Variants in ACYP2 observed in about 807,000 individuals in gnomAD.
The protein encoded by ACYP2 is acylphosphatase 2, also known as acylphosphatase-2.
Under a neutral mutation model 11.2 loss-of-function variants are expected in ACYP2, and 12 were observed. That is an observed-to-expected ratio of 1.08 (90% confidence interval 0.69 to 1.74). The LOEUF (loss-of-function observed/expected upper bound fraction) is 1.74, where lower values mean the gene tolerates loss of function less well. ACYP2 is among the 40% of genes most tolerant of loss of function. The probability of loss-of-function intolerance (pLI) is 0.00; values close to 1 mark genes in which losing one functional copy is unlikely to be tolerated. For synonymous variants in ACYP2, 43 were observed against 32.2 expected (o/e 1.33, Z -1.13); for missense variants, 134 against 101.9 (o/e 1.31, Z -1.35).
intron 6 of ACYP2, among the ~76,000 whole-genome samples, chr2:54,150,007 C>T (rs1435383143): frequency 6.6e-6 from 1 of 152,144 alleles, no homozygotes; most frequent in African/African-American, 2.4e-5. Flanking sequence ...GCTGAATTTG[C>T]TTATTTCAGC....
chr2:54,176,040 A>T (rs1404883700), intron 6 of ACYP2, among the ~76,000 whole-genome samples: 1 of 152,172 alleles, frequency 6.6e-6, no homozygotes, highest in East Asian at 1.9e-4. Context: ...CTTATCAGGC[A>T]CTGAATCTAT....
At chr2:54,143,035 A>G (rs893166081) in intron 6 of ACYP2, 1 of 152,186 alleles carries the variant, frequency 6.6e-6, no homozygotes, top group Non-Finnish European at 1.5e-5. Flanking sequence ...CTTATCAGAT[A>G]TTCTTATTAA....
chr2:54,297,647 A>G (rs1299072096), intron 6 of ACYP2, among the ~76,000 whole-genome samples: 1 of 152,326 alleles, frequency 6.6e-6, no homozygotes, highest in East Asian at 1.9e-4. Flanking sequence ...CTATTATACT[A>G]CTAAAGGAGT....
chr2:54,304,695 T>C lies in ACYP2; in HGVS notation c.412T>C (p.Trp138Arg). ...TTATCTGTTTTTTTATAGGAAGTCC[T>C]GGCTGAGCAAGGTTGGAAGCCCTAG... Residue 138 changes from tryptophan (W) to arginine (R), a missense_variant, in exon 7 of 7, where the codon TGG becomes CGG. Transcript: ENST00000607452. 1 of 1,608,354 alleles carries C rather than the reference T, an allele frequency of 6.2e-7. No individual in the cohort carries two copies.
intron 6 of ACYP2, chr2:54,256,310 C>A (rs942594654): frequency 1.4e-6 from 1 of 711,108 alleles, no homozygotes; most frequent in African/African-American, 1.8e-5. Context: ...ACTCACTCCT[C>A]AGTCTCGCGA....
chr2:54,205,839 AT>A (rs1201731479), intron 6 of ACYP2, among the ~76,000 whole-genome samples: 2 of 152,124 alleles, frequency 1.3e-5, no homozygotes, highest in Non-Finnish European at 2.9e-5. Context: ...TCTGCAGCTA[AT>A]TTTGCACTTT....
chr2:54,039,312 G>T (rs1470903472), intron 2 of ACYP2, among the ~76,000 whole-genome samples: 1 of 150,150 alleles, frequency 6.7e-6, no homozygotes, highest in Non-Finnish European at 1.5e-5. Flanking sequence ...TGGCGGGGGG[G>T]GACAGGGTCC....
intron 6 of ACYP2, among the ~76,000 whole-genome samples, chr2:54,145,974 C>A (rs1360526440): frequency 6.6e-6 from 1 of 152,160 alleles, no homozygotes; most frequent in African/African-American, 2.4e-5. Flanking sequence ...GCTCCTGTGT[C>A]CTTAATCATA....
chr2:54,088,780 G>A (rs980679809), intron 4 of ACYP2, among the ~76,000 whole-genome samples: 3 of 152,210 alleles, frequency 2.0e-5, no homozygotes, highest in African/African-American at 7.2e-5. Context: ...GTCTGCCAGA[G>A]TTTTCATTTC....
chr2:54,130,527 T>C (rs760945209), intron 4 of ACYP2, among the ~76,000 whole-genome samples: 18 of 152,120 alleles, frequency 1.2e-4, no homozygotes, highest in Non-Finnish European at 2.1e-4. Flanking sequence ...TGTTGGGTGC[T>C]TTATGGAGAA....
chr2:54,191,439 G>A (rs560880233), intron 6 of ACYP2, among the ~76,000 whole-genome samples: 27 of 152,274 alleles, frequency 1.8e-4, no homozygotes, highest in African/African-American at 6.5e-4. Context: ...GAACATAGTG[G>A]TAGTGGTTAA....
intron 6 of ACYP2, among the ~76,000 whole-genome samples, chr2:54,268,101 T>C (rs1220128171): frequency 6.6e-6 from 1 of 152,222 alleles, no homozygotes; most frequent in African/African-American, 2.4e-5. Context: ...CTGCCAGCCA[T>C]AGCTGCTTTG....
At chr2:54,235,236 C>T (rs1243573993) in intron 6 of ACYP2, among the ~76,000 whole-genome samples, 2 of 151,594 alleles carry the variant, frequency 1.3e-5, no homozygotes, top group Non-Finnish European at 1.5e-5. Context: ...AGAATGTTTC[C>T]TATTCTCTGT....
chr2:54,265,055 TTTGA>T (rs563623058), intron 6 of ACYP2, among the ~76,000 whole-genome samples: 39 of 152,200 alleles, frequency 2.6e-4, no homozygotes, highest in Non-Finnish European at 5.0e-4. Context: ...TATGTAGCTA[TTTGA>T]TTGTACTATG....
chr2:54,181,911 C>T (rs918636124), intron 6 of ACYP2, among the ~76,000 whole-genome samples: 2 of 151,928 alleles, frequency 1.3e-5, no homozygotes, highest in Non-Finnish European at 2.9e-5. Flanking sequence ...TAAAAAGGTT[C>T]ATAAAACATA....
At chr2:54,265,876 G>A (rs779042440) in intron 6 of ACYP2, among the ~76,000 whole-genome samples, 3 of 152,168 alleles carry the variant, frequency 2.0e-5, no homozygotes, top group Non-Finnish European at 4.4e-5. Flanking sequence ...CATATATTAA[G>A]TATTTGATAA....
At chr2:53,981,251 G>T (rs972819096) in intron 2 of ACYP2, among the ~76,000 whole-genome samples, 1 of 152,188 alleles carries the variant, frequency 6.6e-6, no homozygotes, top group African/African-American at 2.4e-5. Context: ...TTTGAACAAT[G>T]ATTTGGACAA....
rs138486200 is a variant in ACYP2 at position 54,304,496 on chromosome 2, G to GT, written c.405-191dup. Reference sequence around the variant, plus strand: ...TTAATTTATTAGATTTTCTTCATCTGTATTTAATTATACATTATACTCTGT... The same window carrying GT: ...TTAATTTATTAGATTTTCTTCATCTGTTATTTAATTATACATTATACTCTGT... On this transcript the variant is annotated intron_variant, in intron 6 of 6. Coordinates refer to ENST00000607452, the MANE Select transcript of ACYP2 (RefSeq NM_001320586.2). Among the ~76,000 whole-genome samples the GT allele has an allele frequency of 3.2e-3, 488 of 151,972 alleles. 1 individual carries two copies. Among genetic ancestry groups the GT allele is most frequent in the African/African-American group, 0.011 (466 of 41,450 alleles).
chr2:54,222,841 C>T (rs988981973), intron 6 of ACYP2, among the ~76,000 whole-genome samples: 3 of 152,144 alleles, frequency 2.0e-5, no homozygotes, highest in Non-Finnish European at 4.4e-5. Flanking sequence ...CAACCCTTTC[C>T]AGTTTCTACC....
Sources: allele counts gnomAD v4.1 joint callset (sites outside exome capture counted in the v4.1 genomes callset), GRCh38; gene constraint gnomAD v4.1.1; transcripts MANE v1.5; gene names NCBI Gene and HGNC (gene_info 2026-07-23, HGNC 2026-07-21).